The following IL19 variants were observed in gnomAD, a reference collection of about 807,000 sequenced individuals.
IL19 encodes interleukin-19.
A neutral mutation model predicts 19.5 loss-of-function variants in IL19; 15 were observed. The ratio of observed to expected loss-of-function variants is 0.77; its 90% CI spans 0.52 to 1.19. The LOEUF is 1.19. Among genes scored for constraint, IL19 ranks in the 50% most tolerant of loss-of-function variants. IL19 has a pLI of 0.00. For synonymous variants in IL19, 78 were observed against 78.3 expected (o/e 1.00, Z 0.02); for missense variants, 199 against 213.1 (o/e 0.93, Z 0.41).
intron 1 of IL19, among the ~76,000 whole-genome samples, chr1:206,783,139 C>T (rs564995826): frequency 6.6e-6 from 1 of 152,224 alleles, no homozygotes; most frequent in South Asian, 2.1e-4. Context: ...CTGGGTCAGA[C>T]ATTGTGTGGT....
At chr1:206,771,720 T>C (rs1051221429) in intron 1 of IL19, among the ~76,000 whole-genome samples, 1 of 152,238 alleles carries the variant, frequency 6.6e-6, no homozygotes, top group Non-Finnish European at 1.5e-5. Flanking sequence ...GGGACACCTA[T>C]GTCAACCCTT....
intron 1 of IL19, among the ~76,000 whole-genome samples, chr1:206,796,761 C>T (rs1675535808): frequency 1.3e-5 from 2 of 152,144 alleles, no homozygotes; most frequent in African/African-American, 4.8e-5. Flanking sequence ...AATGACAAAA[C>T]CTCCTAATAA....
intron 1 of IL19, 69 bp downstream of exon 1, chr1:206,771,147 G>T: frequency 2.1e-6 from 3 of 1,445,900 alleles, no homozygotes; most frequent in Admixed American, 1.7e-5. Context: ...GGACAGCTTG[G>T]TTCTAGCGAT....
At chr1:206,827,653 T>C (rs1374551779) in intron 2 of IL19, among the ~76,000 whole-genome samples, 3 of 151,056 alleles carry the variant, frequency 2.0e-5, no homozygotes, top group Non-Finnish European at 2.9e-5. Flanking sequence ...ATCGTGCCAC[T>C]GCACTCCAGC....
intron 2 of IL19, among the ~76,000 whole-genome samples, chr1:206,825,575 T>C (rs1214018985): frequency 6.6e-6 from 1 of 152,224 alleles, no homozygotes; most frequent in Non-Finnish European, 1.5e-5. Context: ...AATCTAGTTA[T>C]GTTGGATACT....
intron 2 of IL19, among the ~76,000 whole-genome samples, chr1:206,805,297 C>G (rs1038349746): frequency 6.6e-6 from 1 of 152,152 alleles, no homozygotes; most frequent in African/African-American, 2.4e-5. Flanking sequence ...GGTCTTGATA[C>G]AGATATATAC....
At chr1:206,836,034 C>T (rs1243264833) in intron 2 of IL19, among the ~76,000 whole-genome samples, 1 of 152,218 alleles carries the variant, frequency 6.6e-6, no homozygotes, top group Non-Finnish European at 1.5e-5. Context: ...TGCCAAGCTG[C>T]CCTCTACCTT....
intron 2 of IL19, among the ~76,000 whole-genome samples, chr1:206,830,567 A>G (rs115866860): frequency 0.062 from 6,384 of 102,988 alleles, 496 homozygotes; most frequent in African/African-American, 0.2. Context: ...CCCATCCATC[A>G]TTATCAGTTT....
chr1:206,808,703 G>T (rs1201982833), intron 2 of IL19, among the ~76,000 whole-genome samples: 1 of 152,148 alleles, frequency 6.6e-6, no homozygotes, highest in Non-Finnish European at 1.5e-5. Context: ...TTGCCATGAG[G>T]ACAAAGCATC....
At chr1:206,771,462 A>G (rs756863122) in intron 1 of IL19, 32 of 1,477,164 alleles carry the variant, frequency 2.2e-5, no homozygotes, top group Non-Finnish European at 2.9e-5. Flanking sequence ...TGGGGAAATA[A>G]CTGAAATGCG....
intron 2 of IL19, among the ~76,000 whole-genome samples, chr1:206,811,839 A>C (rs917458033): frequency 2.0e-5 from 3 of 152,218 alleles, no homozygotes; most frequent in Non-Finnish European, 4.4e-5. Context: ...GAGGGAAGGA[A>C]AAATGTTTCC....
At chr1:206,830,203 C>A (rs1676555046) in intron 2 of IL19, among the ~76,000 whole-genome samples, 2 of 152,152 alleles carry the variant, frequency 1.3e-5, no homozygotes, top group Admixed American at 1.3e-4. Flanking sequence ...CTTGCGGTGC[C>A]ATGGAGGGCT....
intron 1 of IL19, among the ~76,000 whole-genome samples, chr1:206,779,507 C>A (rs1333981375): frequency 6.6e-6 from 1 of 152,104 alleles, no homozygotes; most frequent in Non-Finnish European, 1.5e-5. Flanking sequence ...GTCTAATCAC[C>A]CCAACACTGT....
Position 206,841,075 on chromosome 1 carries a change from T to C in IL19, c.435T>C (p.Asp145=). The change falls in exon 6 of 7, where the codon GAT becomes GAC. Residue 145 remains aspartate (D), a synonymous_variant. Coordinates refer to ENST00000659997, the MANE Select transcript of IL19 (RefSeq NM_153758.5). ...NATRVIHDNY[D]QLEVHAAAIK... ...CCAGAGTCATCCATGACAACTATGA[T>C]CAGGTAAGATCTGGGAAGAGGTTGG... 1 of 1,613,422 alleles carries C rather than the reference T, an allele frequency of 6.2e-7. No individual in the cohort carries two copies. The highest frequency in any genetic ancestry group is 1.1e-5 in the South Asian group (1 of 91,062).
intron 4 of IL19, among the ~76,000 whole-genome samples, chr1:206,837,480 G>C (rs1458259843): frequency 6.6e-6 from 1 of 152,150 alleles, no homozygotes; most frequent in Non-Finnish European, 1.5e-5. Flanking sequence ...AGTGAGTGGT[G>C]GGAGATGAAG....
At chr1:206,799,131 TTGTC>T (rs1675608426) in intron 2 of IL19, 125 bp downstream of exon 2, 2 of 714,530 alleles carry the variant, frequency 2.8e-6, no homozygotes, top group African/African-American at 1.8e-5. Flanking sequence ...AGGACTGCCT[TTGTC>T]TGTCATAAAG....
intron 1 of IL19, among the ~76,000 whole-genome samples, chr1:206,789,459 A>G (rs1675341252): frequency 6.6e-6 from 1 of 152,160 alleles, no homozygotes; most frequent in African/African-American, 2.4e-5. Context: ...TTCCTGAGTT[A>G]TATCACCTAG....
intron 2 of IL19, chr1:206,833,938 C>G: frequency 1.0e-6 from 1 of 985,598 alleles, no homozygotes; most frequent in Non-Finnish European, 1.2e-6. Flanking sequence ...CGTGCTGCAG[C>G]CAGAGGCACC....
At chr1:206,785,245 C>T (rs894440318) in intron 1 of IL19, among the ~76,000 whole-genome samples, 2 of 152,072 alleles carry the variant, frequency 1.3e-5, no homozygotes, top group African/African-American at 2.4e-5. Flanking sequence ...GACTGAAGAC[C>T]CATGGAACAC....
Sources: gnomAD v4.1 joint callset for allele counts (sites outside exome capture counted in the v4.1 genomes callset) on GRCh38, gnomAD v4.1.1 for gene constraint, MANE v1.5 for transcripts, NCBI Gene and HGNC (gene_info 2026-07-23, HGNC 2026-07-21) for gene names.